The following MGAT4C variants were observed in gnomAD, a reference collection of about 807,000 sequenced individuals.
MGAT4C encodes alpha-1,3-mannosyl-glycoprotein 4-beta-N-acetylglucosaminyltransferase C.
In MGAT4C, 19 loss-of-function variants were observed where a neutral mutation model predicts 40.1. That is an observed-to-expected ratio of 0.47 (90% CI 0.33 to 0.70). MGAT4C has a LOEUF of 0.70. Ranked by LOEUF, MGAT4C falls within the 30% of genes least tolerant of loss-of-function variation. The pLI is 0.02. For missense variants in MGAT4C, 491 were observed against 563.2 expected (o/e 0.87, Z 1.30); for synonymous variants, 181 against 187.1 (o/e 0.97, Z 0.27).
intron 2 of MGAT4C, among the ~76,000 whole-genome samples, chr12:86,560,324 T>C (rs1959802693): frequency 6.6e-6 from 1 of 151,678 alleles, no homozygotes; most frequent in Non-Finnish European, 1.5e-5. Flanking sequence ...TAGACAAAGA[T>C]ACAGTAATAA....
At chr12:86,213,120 G>A (rs1051884513) in intron 1 of MGAT4C, among the ~76,000 whole-genome samples, 1 of 152,074 alleles carries the variant, frequency 6.6e-6, no homozygotes, top group Non-Finnish European at 1.5e-5. Flanking sequence ...AGCTTTGTCT[G>A]CTGAGGGATA....
At chr12:86,828,139 T>A (rs570949512) in intron 1 of MGAT4C, among the ~76,000 whole-genome samples, 158 of 151,132 alleles carry the variant, frequency 1.0e-3, no homozygotes, top group African/African-American at 3.7e-3. Context: ...AAATGTAAAA[T>A]CTGTTATGAA....
At chr12:86,506,656 G>A (rs1288697492) in intron 2 of MGAT4C, among the ~76,000 whole-genome samples, 1 of 152,098 alleles carries the variant, frequency 6.6e-6, no homozygotes, top group African/African-American at 2.4e-5. Context: ...ATAATAAAAA[G>A]CCCAACTTCC....
At chr12:86,351,557 C>A (rs761040819) in intron 3 of MGAT4C, among the ~76,000 whole-genome samples, 6 of 151,920 alleles carry the variant, frequency 3.9e-5, no homozygotes, top group Non-Finnish European at 7.4e-5. Flanking sequence ...TTTTGAAAAG[C>A]AGTTGATGAA....
intron 1 of MGAT4C, among the ~76,000 whole-genome samples, chr12:86,145,277 A>C (rs1021630120): frequency 1.3e-5 from 2 of 152,060 alleles, no homozygotes; most frequent in African/African-American, 4.8e-5. Context: ...TTGGCTTAGG[A>C]GCCTCCTTTA....
chr12:86,802,953 C>G (rs1952261511), intron 1 of MGAT4C, among the ~76,000 whole-genome samples: 1 of 124,686 alleles, frequency 8.0e-6, no homozygotes, highest in Admixed American at 8.5e-5. Context: ...GCCTGCATCG[C>G]CAAGTCAATC....
chr12:86,665,588 A>G (rs1355989991), intron 2 of MGAT4C, among the ~76,000 whole-genome samples: 1 of 152,104 alleles, frequency 6.6e-6, no homozygotes, highest in African/African-American at 2.4e-5. Flanking sequence ...CGTGTTAGCC[A>G]GGATGTTCTC....
At chr12:86,341,464 T>A (rs1006533379) in intron 3 of MGAT4C, among the ~76,000 whole-genome samples, 1 of 152,168 alleles carries the variant, frequency 6.6e-6, no homozygotes, top group East Asian at 1.9e-4. Flanking sequence ...GTTAGACTCC[T>A]GTACATAACC....
At chr12:86,534,005 G>A (rs547121646) in intron 2 of MGAT4C, among the ~76,000 whole-genome samples, 3 of 152,154 alleles carry the variant, frequency 2.0e-5, no homozygotes, top group Admixed American at 6.6e-5. Flanking sequence ...GAAGGAAGTT[G>A]AGGTATTTTA....
At chr12:86,467,361 A>G (rs1053959073) in intron 2 of MGAT4C, among the ~76,000 whole-genome samples, 1 of 152,184 alleles carries the variant, frequency 6.6e-6, no homozygotes, top group Admixed American at 6.5e-5. Context: ...AGCCAAAGTT[A>G]AAGAGGCACA....
intron 1 of MGAT4C, among the ~76,000 whole-genome samples, chr12:86,806,982 G>A (rs1206853906): frequency 6.6e-6 from 1 of 150,736 alleles, no homozygotes; most frequent in African/African-American, 2.4e-5. Context: ...TTGTGCACAG[G>A]TACCCTAGAA....
At chr12:86,047,940 C>T (rs1326233050) in intron 2 of MGAT4C, among the ~76,000 whole-genome samples, 1 of 81,272 alleles carries the variant, frequency 1.2e-5, no homozygotes, top group Non-Finnish European at 2.3e-5. Flanking sequence ...ATAGTTAAAA[C>T]AACAGCAAAA....
intron 4 of MGAT4C, among the ~76,000 whole-genome samples, chr12:86,295,215 C>A (rs955549423): frequency 6.6e-6 from 1 of 152,128 alleles, no homozygotes; most frequent in South Asian, 2.1e-4. Context: ...TAAACATGGA[C>A]ATTTTGTTCT....
chr12:86,773,826 T>G (rs1345639315), intron 1 of MGAT4C, among the ~76,000 whole-genome samples: 2 of 152,000 alleles, frequency 1.3e-5, no homozygotes, highest in African/African-American at 4.8e-5. Flanking sequence ...ATGTATATTA[T>G]GTAAAGCTTC....
intron 1 of MGAT4C, among the ~76,000 whole-genome samples, chr12:86,791,810 A>C (rs1593210969): frequency 6.6e-6 from 1 of 152,168 alleles, no homozygotes; most frequent in Non-Finnish European, 1.5e-5. Flanking sequence ...GCAAAGAAGA[A>C]GACCTCTGAA....
intron 2 of MGAT4C, among the ~76,000 whole-genome samples, chr12:86,529,638 G>T (rs1457310815): frequency 6.6e-6 from 1 of 151,898 alleles, no homozygotes; most frequent in Non-Finnish European, 1.5e-5. Flanking sequence ...CCACCAACTT[G>T]CCTTCTAGGT....
intron 3 of MGAT4C, among the ~76,000 whole-genome samples, chr12:86,360,808 A>C (rs1267266787): frequency 6.6e-6 from 1 of 152,074 alleles, no homozygotes; most frequent in Non-Finnish European, 1.5e-5. Flanking sequence ...CAAGGAGAAC[A>C]ACAAACCATT....
intron 2 of MGAT4C, among the ~76,000 whole-genome samples, chr12:86,627,071 C>T (rs1285639654): frequency 6.6e-6 from 1 of 152,202 alleles, no homozygotes; most frequent in Non-Finnish European, 1.5e-5. Context: ...GATTATATCC[C>T]ATGCATGGCT....
In MGAT4C at chr12:85,990,551, T is replaced by C. The variant is rs796603204; in HGVS notation, c.-6-999A>G. Among the ~76,000 whole-genome samples the C allele has an allele frequency of 1.1e-4, 16 of 152,258 alleles. No individual in the cohort carries two copies. In the East Asian group the frequency reaches 2.3e-3, roughly 22 times the overall value. Reference sequence around the variant, plus strand: ...TCCGTCCCCTATAATCTTAGAACTATGCCTAGAACATAGCTGGCAAATCTT... The same window carrying C: ...TCCGTCCCCTATAATCTTAGAACTACGCCTAGAACATAGCTGGCAAATCTT... On this transcript the variant is annotated intron_variant, in intron 2 of 4. Coordinates refer to ENST00000611864, the MANE Select transcript of MGAT4C (RefSeq NM_001351288.2).
Sources: gnomAD v4.1 joint callset for allele counts (sites outside exome capture counted in the v4.1 genomes callset) on GRCh38, gnomAD v4.1.1 for gene constraint, MANE v1.5 for transcripts, NCBI Gene and HGNC (gene_info 2026-07-23, HGNC 2026-07-21) for gene names.